Variants in NEGR1 observed in about 807,000 individuals in gnomAD.
NEGR1 encodes IgLON family member 4.
A neutral mutation model predicts 40.9 loss-of-function variants in NEGR1; 10 were observed. That is an observed-to-expected ratio of 0.24 (90% CI 0.15 to 0.42). The LOEUF is 0.42. Ranked by LOEUF, NEGR1 falls within the 10% of genes least tolerant of loss-of-function variation. The pLI, the probability that NEGR1 is intolerant of heterozygous loss-of-function variation, is 1.00. For synonymous variants in NEGR1, 185 were observed against 166.8 expected (o/e 1.11, Z -0.84); for missense variants, 352 against 438.9 (o/e 0.80, Z 1.77).
intron 6 of NEGR1, among the ~76,000 whole-genome samples, chr1:71,432,622 G>A (rs1646477360): frequency 6.6e-6 from 1 of 152,194 alleles, no homozygotes; most frequent in East Asian, 1.9e-4. Context: ...GGCTAAAAAT[G>A]TAACTGCATC....
intron 3 of NEGR1, among the ~76,000 whole-genome samples, chr1:71,732,135 C>T (rs1570271039): frequency 6.6e-6 from 1 of 152,036 alleles, no homozygotes; most frequent in Non-Finnish European, 1.5e-5. Flanking sequence ...TGGTGAAACA[C>T]CATCTCTACT....
At chr1:72,257,844 CA>C (rs149085875) in intron 1 of NEGR1, among the ~76,000 whole-genome samples, 14,909 of 152,070 alleles carry the variant, frequency 0.098, 2,470 homozygotes, top group African/African-American at 0.34. Context: ...AATGAAAATC[CA>C]AATATTACAT....
intron 1 of NEGR1, among the ~76,000 whole-genome samples, chr1:72,119,611 T>A (rs969318486): frequency 1.3e-5 from 2 of 152,040 alleles, no homozygotes; most frequent in African/African-American, 4.8e-5. Context: ...TATCAGATGA[T>A]CTTAGTACTT....
At chr1:72,205,554 T>A (rs2100453859) in intron 1 of NEGR1, among the ~76,000 whole-genome samples, 1 of 151,414 alleles carries the variant, frequency 6.6e-6, no homozygotes, top group East Asian at 1.9e-4. Flanking sequence ...GCTACATTTT[T>A]TTTTTTTTTA....
At chr1:72,270,569 TCCAATATTATCA>T (rs1301414260) in intron 1 of NEGR1, among the ~76,000 whole-genome samples, 3 of 151,880 alleles carry the variant, frequency 2.0e-5, no homozygotes, top group Non-Finnish European at 4.4e-5. Context: ...TATCAACTAT[TCCAATATTATCA>T]CCAGCTGTCG....
intron 3 of NEGR1, among the ~76,000 whole-genome samples, chr1:71,722,454 AC>A (rs1408918866): frequency 6.6e-6 from 1 of 152,098 alleles, no homozygotes; most frequent in African/African-American, 2.4e-5. Context: ...GGTATCTTAT[AC>A]TTTTCAATGA....
chr1:72,223,577 T>C (rs1223201878), intron 1 of NEGR1, among the ~76,000 whole-genome samples: 1 of 152,184 alleles, frequency 6.6e-6, no homozygotes, highest in Non-Finnish European at 1.5e-5. Context: ...ATGTCCTGCC[T>C]ATTTTATATT....
chr1:71,710,180 T>A (rs767866088), intron 3 of NEGR1, among the ~76,000 whole-genome samples: 7 of 152,180 alleles, frequency 4.6e-5, no homozygotes, highest in Non-Finnish European at 7.4e-5. Context: ...AAATCAAACC[T>A]ACTGTTATTA....
intron 3 of NEGR1, among the ~76,000 whole-genome samples, chr1:71,761,659 G>A (rs753716143): frequency 6.6e-6 from 1 of 152,050 alleles, no homozygotes; most frequent in African/African-American, 2.4e-5. Context: ...CTCCCTCAAT[G>A]TTAAATAATG....
intron 6 of NEGR1, among the ~76,000 whole-genome samples, chr1:71,420,121 T>C (rs1340487775): frequency 6.6e-6 from 1 of 152,122 alleles, no homozygotes; most frequent in African/African-American, 2.4e-5. Flanking sequence ...TAGCATTCCC[T>C]GCATTAATAA....
At chr1:71,407,796 A>C in intron 6 of NEGR1, 2 of 457,584 alleles carry the variant, frequency 4.4e-6, no homozygotes, top group East Asian at 3.8e-5. Flanking sequence ...AAATAATAGA[A>C]TCCACCTCAC....
intron 1 of NEGR1, among the ~76,000 whole-genome samples, chr1:72,246,608 A>G (rs1198835243): frequency 6.6e-6 from 1 of 152,232 alleles, no homozygotes; most frequent in Non-Finnish European, 1.5e-5. Flanking sequence ...CCTTTTTTAT[A>G]TAGGAATACA....
chr1:71,978,350 C>T (rs1557465422), intron 1 of NEGR1, among the ~76,000 whole-genome samples: 1 of 152,096 alleles, frequency 6.6e-6, no homozygotes, highest in African/African-American at 2.4e-5. Flanking sequence ...TTCTTTATGT[C>T]ATGATGCTAA....
intron 3 of NEGR1, among the ~76,000 whole-genome samples, chr1:71,722,779 C>T (rs1654552166): frequency 1.3e-5 from 2 of 152,068 alleles, no homozygotes; most frequent in South Asian, 4.1e-4. Context: ...GCTGCACACT[C>T]TTAAATGCAA....
intron 2 of NEGR1, among the ~76,000 whole-genome samples, chr1:71,870,020 C>T (rs1660231510): frequency 6.6e-6 from 1 of 151,898 alleles, no homozygotes; most frequent in Non-Finnish European, 1.5e-5. Flanking sequence ...GCTGGGATTA[C>T]AGGCGCGGGC....
intron 1 of NEGR1, among the ~76,000 whole-genome samples, chr1:72,044,482 G>A (rs1198609205): frequency 6.6e-6 from 1 of 151,630 alleles, no homozygotes; most frequent in African/African-American, 2.4e-5. Flanking sequence ...TGGCAAATTG[G>A]CACACACTAT....
In NEGR1 at chr1:71,713,050, C is replaced by T. The variant is rs927235133; in HGVS notation, c.536-14911G>A. Among the ~76,000 whole-genome samples the T allele has an allele frequency of 5.9e-5, 9 of 152,322 alleles. No individual in the cohort carries two copies. In the Middle Eastern group the frequency reaches 0.014, roughly 230 times the overall value. On this transcript the variant is annotated intron_variant, in intron 3 of 6. Coordinates refer to ENST00000357731, the MANE Select transcript of NEGR1 (RefSeq NM_173808.3). Reference sequence around the variant, plus strand: ...GTAGTCCTTTATAGCAGTGTGAGAACAGACTAATACAGCCAGTATATTATA... The same window carrying T: ...GTAGTCCTTTATAGCAGTGTGAGAATAGACTAATACAGCCAGTATATTATA...
chr1:72,059,754 T>G (rs188631572), intron 1 of NEGR1, among the ~76,000 whole-genome samples: 4 of 151,826 alleles, frequency 2.6e-5, no homozygotes, highest in Non-Finnish European at 5.9e-5. Flanking sequence ...TATCCATGAA[T>G]CTTCATTCAA....
At chr1:71,549,520 G>A (rs971346746) in intron 6 of NEGR1, among the ~76,000 whole-genome samples, 2 of 151,638 alleles carry the variant, frequency 1.3e-5, no homozygotes, top group African/African-American at 4.8e-5. Flanking sequence ...GCCAAAACTG[G>A]CCAAGCACTA....
Sources: allele counts gnomAD v4.1 joint callset (sites outside exome capture counted in the v4.1 genomes callset), GRCh38; gene constraint gnomAD v4.1.1; transcripts MANE v1.5; gene names NCBI Gene and HGNC (gene_info 2026-07-23, HGNC 2026-07-21).